ZNF536: variants seen among roughly 807,000 people sequenced by gnomAD.
ZNF536 encodes the protein zinc finger protein 536.
A neutral mutation model predicts 84.5 loss-of-function variants in ZNF536; 13 were observed. That is an observed-to-expected ratio of 0.15 (90% CI 0.10 to 0.24). The LOEUF (loss-of-function observed/expected upper bound fraction) is 0.24, where lower values mean the gene tolerates loss of function less well. Ranked by LOEUF, ZNF536 falls within the 10% of genes least tolerant of loss-of-function variation. The probability of loss-of-function intolerance (pLI) is 1.00; values close to 1 mark genes in which losing one functional copy is unlikely to be tolerated. For missense variants in ZNF536, 1,536 were observed against 1,747.5 expected, an observed-to-expected ratio of 0.88 and a Z score of 2.16; for synonymous variants, 811 against 742.5, an observed-to-expected ratio of 1.09 and a Z score of -1.50.
intron 1 of ZNF536, among the ~76,000 whole-genome samples, chr19:30,663,046 CTTCTCCATGAGCTGAT>C (rs2050182774): frequency 7.1e-6 from 1 of 140,396 alleles, no homozygotes; most frequent in South Asian, 2.3e-4. Flanking sequence ...CTTTGTCCTG[CTTCTCCATGAGCTGAT>C]TTCAAACTTC....
chr19:30,485,348 A>G (rs1051928096), intron 2 of ZNF536, among the ~76,000 whole-genome samples: 4 of 152,116 alleles, frequency 2.6e-5, no homozygotes, highest in Non-Finnish European at 5.9e-5. Flanking sequence ...GTAGAATTCA[A>G]TGGTTTTTAG....
chr19:30,625,693 C>A (rs1219221103), intron 1 of ZNF536, among the ~76,000 whole-genome samples: 1 of 152,174 alleles, frequency 6.6e-6, no homozygotes, highest in Non-Finnish European at 1.5e-5. Flanking sequence ...AGCTCCCCAG[C>A]CCAAGTCAGT....
chr19:30,617,729 G>T (rs775918233), intron 1 of ZNF536, among the ~76,000 whole-genome samples: 1 of 151,956 alleles, frequency 6.6e-6, no homozygotes, highest in Non-Finnish European at 1.5e-5. Flanking sequence ...TTTTTAACCA[G>T]AGATTCTGCA....
At chr19:30,549,935 G>A (rs2045708992) in intron 4 of ZNF536, among the ~76,000 whole-genome samples, 1 of 152,212 alleles carries the variant, frequency 6.6e-6, no homozygotes, top group Non-Finnish European at 1.5e-5. Flanking sequence ...GCTTTGCTAA[G>A]CCAAATCTGC....
At chr19:30,596,048 T>G (rs944682179) in intron 1 of ZNF536, among the ~76,000 whole-genome samples, 25 of 152,190 alleles carry the variant, frequency 1.6e-4, no homozygotes, top group African/African-American at 6.0e-4. Flanking sequence ...TTGCTTTCTG[T>G]GACCATGGGC....
At chr19:30,504,311 C>T (rs1480346737) in intron 2 of ZNF536, among the ~76,000 whole-genome samples, 1 of 147,764 alleles carries the variant, frequency 6.8e-6, no homozygotes, top group Non-Finnish European at 1.5e-5. Context: ...TCCTTCCTCC[C>T]TCCCACCAGC....
upstream of ZNF536, among the ~76,000 whole-genome samples, chr19:30,228,048 G>A (rs1361784999): frequency 2.6e-5 from 4 of 151,978 alleles, no homozygotes; most frequent in Non-Finnish European, 5.9e-5. This position sits in a 1 kb window ranked among gnomAD's most constrained non-coding sequence, Gnocchi z 4.5. Context: ...GCGTGCGTGC[G>A]TGTGTATGTG....
chr19:30,583,474 T>C (rs1411755211), intron 1 of ZNF536, among the ~76,000 whole-genome samples: 2 of 152,206 alleles, frequency 1.3e-5, no homozygotes, highest in African/African-American at 4.8e-5. Flanking sequence ...GAGAAGGGCT[T>C]CCTCGGCAGC....
chr19:30,638,612 A>G (rs1169855515), intron 1 of ZNF536, among the ~76,000 whole-genome samples: 1 of 152,196 alleles, frequency 6.6e-6, no homozygotes, highest in East Asian at 1.9e-4. Flanking sequence ...CCCATGATCC[A>G]GTGACTTCCC....
intron 1 of ZNF536, among the ~76,000 whole-genome samples, chr19:30,583,835 T>C (rs2047005525): frequency 6.6e-6 from 1 of 152,140 alleles, no homozygotes; most frequent in African/African-American, 2.4e-5. Flanking sequence ...AAACAACTCT[T>C]CAAGCTTGAC....
At chr19:30,489,166 C>T (rs554489910) in intron 2 of ZNF536, among the ~76,000 whole-genome samples, 1 of 152,310 alleles carries the variant, frequency 6.6e-6, no homozygotes, top group Non-Finnish European at 1.5e-5. Flanking sequence ...CAAGGCTTAT[C>T]TTTCCTGGGG....
Position 30,532,330 on chromosome 19 carries a change from C to T in ZNF536, c.2171-2517C>T, listed in dbSNP as rs538081579. 5.9e-5 allele frequency among the ~76,000 whole-genome samples: 9 copies of T among 152,096 alleles called. No individual in the cohort carries two copies. The South Asian group carries it at 1.9e-3, about 32-fold the overall frequency. On this transcript the variant is annotated intron_variant, in intron 2 of 4. Transcript: ENST00000355537. The stretch of plus-strand genomic sequence containing the variant: ...ATTTTTAGTAGGGATGGGGTTTCAC[C>T]CTGTTGGCCAGGCTAGTCTTGAGCT...
intron 2 of ZNF536, among the ~76,000 whole-genome samples, chr19:30,313,831 C>A (rs1227597209): frequency 2.0e-5 from 3 of 152,220 alleles, no homozygotes; most frequent in African/African-American, 7.2e-5. Context: ...AACCTGAAGG[C>A]CTTCTCATGG....
intron 2 of ZNF536, among the ~76,000 whole-genome samples, chr19:30,349,769 G>A (rs544120379): frequency 2.4e-4 from 37 of 152,130 alleles, no homozygotes; most frequent in Middle Eastern, 3.4e-3. Flanking sequence ...AGGGCAGCCA[G>A]CAGCATGGCC....
At chr19:30,225,971 G>C (rs1320014788), upstream of ZNF536, among the ~76,000 whole-genome samples, 2 of 151,794 alleles carry the variant, frequency 1.3e-5, no homozygotes, top group Non-Finnish European at 2.9e-5. Flanking sequence ...GAGGAAAACC[G>C]AGCCGGCGGC....
intron 3 of ZNF536, among the ~76,000 whole-genome samples, chr19:30,359,163 G>A (rs2048191024): frequency 1.3e-5 from 2 of 152,178 alleles, no homozygotes; most frequent in Admixed American, 6.5e-5. Context: ...CTCTGTTGTT[G>A]GTAACAAATT....
intron 4 of ZNF536, among the ~76,000 whole-genome samples, chr19:30,551,295 A>G (rs1048364247): frequency 3.3e-5 from 5 of 151,936 alleles, no homozygotes; most frequent in African/African-American, 4.8e-5. Context: ...CCATCTTCCT[A>G]TCAGTAATGA....
intron 1 of ZNF536, among the ~76,000 whole-genome samples, chr19:30,594,136 C>T (rs984358175): frequency 3.9e-5 from 6 of 152,212 alleles, no homozygotes; most frequent in African/African-American, 1.4e-4. Context: ...TCCCCAGAAG[C>T]ACAATCAATA....
intron 1 of ZNF536, among the ~76,000 whole-genome samples, chr19:30,694,899 G>A (rs73927159): frequency 0.12 from 18,400 of 152,186 alleles, 1,305 homozygotes; most frequent in East Asian, 0.35. Context: ...CAAGAGTGAG[G>A]AGGGCAGGGC....
Sources: gnomAD v4.1 joint callset for allele counts (sites outside exome capture counted in the v4.1 genomes callset) on GRCh38, gnomAD v4.1.1 for gene constraint, Gnocchi (gnomAD v3.1) non-coding constraint, MANE v1.5 for transcripts, NCBI Gene and HGNC (gene_info 2026-07-23, HGNC 2026-07-21) for gene names.